ANKRD12: variants seen among roughly 807,000 people sequenced by gnomAD.
ANKRD12 encodes the protein ankyrin repeat domain 12, also known as ankyrin repeat domain-containing protein 12.
Under a neutral mutation model 183.4 loss-of-function variants are expected in ANKRD12, and 85 were observed. The observed-to-expected ratio is 0.46, with a 90% CI of 0.39 to 0.56. The LOEUF (loss-of-function observed/expected upper bound fraction) is 0.56, where lower values mean the gene tolerates loss of function less well. Among genes scored for constraint, ANKRD12 ranks in the 20% least tolerant of loss-of-function variants. ANKRD12 has a pLI of 0.00. For missense variants in ANKRD12, 2,405 were observed against 2,357.1 expected (o/e 1.02, Z -0.42); for synonymous variants, 914 against 800.2 (o/e 1.14, Z -2.40).
intron 8 of ANKRD12, among the ~76,000 whole-genome samples, chr18:9,244,083 G>A (rs1371036757): frequency 2.6e-5 from 4 of 152,180 alleles, no homozygotes; most frequent in African/African-American, 9.7e-5. Flanking sequence ...ACAGTGAGCC[G>A]AGGTCGCACC....
At chr18:9,264,576 T>G (rs1370211858) in intron 10 of ANKRD12, among the ~76,000 whole-genome samples, 1 of 152,202 alleles carries the variant, frequency 6.6e-6, no homozygotes, top group Non-Finnish European at 1.5e-5. Context: ...TGTAACAGTC[T>G]AAGAAATTTA....
chr18:9,157,088 A>G (rs764479513), intron 1 of ANKRD12, among the ~76,000 whole-genome samples: 2 of 152,230 alleles, frequency 1.3e-5, no homozygotes, highest in Non-Finnish European at 2.9e-5. Context: ...ACTCAGTGCC[A>G]CAGAACTCTG....
chr18:9,198,563 T>C (rs929536369), intron 3 of ANKRD12, among the ~76,000 whole-genome samples: 29 of 152,294 alleles, frequency 1.9e-4, no homozygotes, highest in African/African-American at 6.7e-4. Flanking sequence ...ATAACTATTA[T>C]TATTTTGAGA....
intron 8 of ANKRD12, among the ~76,000 whole-genome samples, chr18:9,248,732 A>G (rs2145096207): frequency 6.6e-6 from 1 of 152,348 alleles, no homozygotes; most frequent in East Asian, 1.9e-4. Flanking sequence ...GTAGGAAGAC[A>G]GGCAAGTCAG....
At chr18:9,252,058 G>A (rs970096615) in intron 8 of ANKRD12, among the ~76,000 whole-genome samples, 8 of 152,126 alleles carry the variant, frequency 5.3e-5, no homozygotes, top group Admixed American at 5.2e-4. Flanking sequence ...CTAGTATAAC[G>A]ATAAACATGG....
chr18:9,234,478 CG>C (rs1173541702), intron 8 of ANKRD12, among the ~76,000 whole-genome samples: 1 of 152,106 alleles, frequency 6.6e-6, no homozygotes, highest in African/African-American at 2.4e-5. Context: ...CCAGGGGCTT[CG>C]TTTTTGGTAC....
chr18:9,261,803 C>T (rs990864389), intron 9 of ANKRD12, among the ~76,000 whole-genome samples: 4 of 152,188 alleles, frequency 2.6e-5, no homozygotes, highest in Non-Finnish European at 5.9e-5. Context: ...CTAACTCTGG[C>T]TCTTCCTTTA....
intron 1 of ANKRD12, among the ~76,000 whole-genome samples, chr18:9,164,279 A>G (rs1003354106): frequency 3.3e-5 from 5 of 152,134 alleles, no homozygotes; most frequent in African/African-American, 1.2e-4. Context: ...TGAGATAATC[A>G]TGTGGTGTCT....
intron 2 of ANKRD12, among the ~76,000 whole-genome samples, chr18:9,193,510 G>T (rs1235466258): frequency 6.6e-6 from 1 of 150,576 alleles, no homozygotes; most frequent in African/African-American, 2.4e-5. Context: ...AATCTCAGTG[G>T]TTTTTTTTTG....
chr18:9,157,422 T>C (rs2030652169), intron 1 of ANKRD12, among the ~76,000 whole-genome samples: 2 of 151,946 alleles, frequency 1.3e-5, no homozygotes, highest in African/African-American at 2.4e-5. Context: ...ATCAAAGTAC[T>C]GTTTCTAGTG....
rs116531846 is a variant in ANKRD12 at position 9,150,235 on chromosome 18, C to A, written c.-52+13270C>A. On this transcript the variant is annotated intron_variant, in intron 1 of 12. Transcript: ENST00000262126. ...TGTGTCCTAAATCTTTTGCTTCTTTCCCTATTCTGGATTTAGAGTTAGAAA... is the reference window on the plus strand; with the variant it reads ...TGTGTCCTAAATCTTTTGCTTCTTTACCTATTCTGGATTTAGAGTTAGAAA... 7.2e-3 allele frequency among the ~76,000 whole-genome samples: 1,103 copies of A among 152,200 alleles called. 11 individuals carry two copies. The highest frequency in any genetic ancestry group is 0.025 in the African/African-American group (1,029 of 41,502).
intron 1 of ANKRD12, among the ~76,000 whole-genome samples, chr18:9,159,127 GAGAAAGGTTAATAACCA>G (rs1169653547): frequency 1.3e-5 from 2 of 152,138 alleles, no homozygotes; most frequent in Non-Finnish European, 2.9e-5. Context: ...TCCTTTTACT[GAGAAAGGTTAATAACCA>G]AGATCTGCAT....
Position 9,182,401 on chromosome 18 carries a change from A to G in ANKRD12, c.-32A>G. ...TTACAGATCCAGGATGAGAAGACTG[A>G]TAAAAGAAGAAGCTAGCTGAACAGC... On this transcript the variant is annotated 5_prime_UTR_variant, in exon 2 of 13. Transcript: ENST00000262126. 6.9e-7 allele frequency: 1 copy of G among 1,458,998 alleles called. No individual in the cohort carries two copies. The highest frequency in any genetic ancestry group is 1.2e-5 in the South Asian group (1 of 85,268). The allele number at this position is 1,458,998 out of a possible 1,614,324, so 90.4% of individuals were successfully genotyped here.
chr18:9,217,451 T>C (rs1337322048), intron 7 of ANKRD12, among the ~76,000 whole-genome samples: 1 of 152,188 alleles, frequency 6.6e-6, no homozygotes, highest in Non-Finnish European at 1.5e-5. Flanking sequence ...AAATGCACAT[T>C]GAAATTTAAG....
At chr18:9,156,908 G>A (rs1260858497) in intron 1 of ANKRD12, among the ~76,000 whole-genome samples, 1 of 152,206 alleles carries the variant, frequency 6.6e-6, no homozygotes. Context: ...TCATATGATT[G>A]CACTTGCACG....
At chr18:9,211,415 C>G (rs947298851) in intron 5 of ANKRD12, among the ~76,000 whole-genome samples, 169 bp from the exon 6 acceptor site, 2 of 152,060 alleles carry the variant, frequency 1.3e-5, no homozygotes, top group African/African-American at 4.8e-5. Context: ...AAGGGAAGAT[C>G]TCTGTGTATT....
chr18:9,164,172 G>C (rs1003795740), intron 1 of ANKRD12, among the ~76,000 whole-genome samples: 2 of 152,100 alleles, frequency 1.3e-5, no homozygotes, highest in African/African-American at 2.4e-5. Context: ...ATATATGGCT[G>C]TTATTATTTT....
In ANKRD12 at chr18:9,254,108, A is replaced by C. The variant is rs927863166; in HGVS notation, c.944-103A>C. ...CTGAAGTGATTATGAATTGTTTGAA[A>C]TATGTATTGTATAAGCTATATCTTT... On this transcript the variant is annotated intron_variant, in intron 8 of 12. Transcript: ENST00000262126. 10 of 1,229,266 alleles carry C rather than the reference A, an allele frequency of 8.1e-6. No homozygotes were observed. In the East Asian group the frequency reaches 2.5e-4, roughly 31 times the overall value. The allele number at this position is 1,229,266 out of a possible 1,614,324, so 76.1% of individuals were successfully genotyped here.
chr18:9,166,217 A>G (rs1486544440), intron 1 of ANKRD12, among the ~76,000 whole-genome samples: 2 of 152,138 alleles, frequency 1.3e-5, no homozygotes, highest in African/African-American at 2.4e-5. Flanking sequence ...ATGATTTGTA[A>G]TCCTTTGGGT....
Sources: gnomAD v4.1 joint callset for allele counts (sites outside exome capture counted in the v4.1 genomes callset) on GRCh38, gnomAD v4.1.1 for gene constraint, MANE v1.5 for transcripts, NCBI Gene and HGNC (gene_info 2026-07-23, HGNC 2026-07-21) for gene names.